CTNNA3: variants seen among roughly 807,000 people sequenced by gnomAD.
CTNNA3 encodes the protein catenin alpha 3.
Under a neutral mutation model 95.7 loss-of-function variants are expected in CTNNA3, and 76 were observed. The observed-to-expected ratio is 0.79, with a 90% CI of 0.66 to 0.96. The LOEUF is 0.96. Among genes scored for constraint, CTNNA3 ranks in the 40% least tolerant of loss-of-function variants. The pLI, the probability that CTNNA3 is intolerant of heterozygous loss-of-function variation, is 0.00. For synonymous variants in CTNNA3, 431 were observed against 374.4 expected, an observed-to-expected ratio of 1.15 and a Z score of -1.74; for missense variants, 1,191 against 1,089.8, an observed-to-expected ratio of 1.09 and a Z score of -1.31.
At chr10:67,503,274 T>A (rs1206548848) in intron 5 of CTNNA3, among the ~76,000 whole-genome samples, 1 of 152,160 alleles carries the variant, frequency 6.6e-6, no homozygotes, top group African/African-American at 2.4e-5. Context: ...CACCCTGCTT[T>A]GGCTCACCCT....
At chr10:66,480,666 G>A (rs1385134658) in intron 11 of CTNNA3, among the ~76,000 whole-genome samples, 7 of 152,070 alleles carry the variant, frequency 4.6e-5, no homozygotes, top group African/African-American at 1.2e-4. Context: ...GTGCAGTGGC[G>A]CAATCTCGGC....
At chr10:66,971,258 T>C (rs1185090925) in intron 7 of CTNNA3, among the ~76,000 whole-genome samples, 1 of 151,972 alleles carries the variant, frequency 6.6e-6, no homozygotes, top group Non-Finnish European at 1.5e-5. Flanking sequence ...AAACCCCGTC[T>C]CTACTAAAAA....
chr10:66,608,772 A>G (rs1589489701), intron 10 of CTNNA3, among the ~76,000 whole-genome samples: 1 of 152,124 alleles, frequency 6.6e-6, no homozygotes, highest in Non-Finnish European at 1.5e-5. Context: ...TCCTTACACC[A>G]TACACAAAAA....
At chr10:67,447,655 GAC>G (rs1846806643) in intron 5 of CTNNA3, among the ~76,000 whole-genome samples, 1 of 152,010 alleles carries the variant, frequency 6.6e-6, no homozygotes, top group South Asian at 2.1e-4. Flanking sequence ...GATGATCCCT[GAC>G]CACCTTGTAT....
chr10:67,554,665 G>C (rs1235929832), intron 3 of CTNNA3, among the ~76,000 whole-genome samples: 3 of 152,168 alleles, frequency 2.0e-5, no homozygotes, highest in Non-Finnish European at 2.9e-5. Context: ...CCTTTTGTCA[G>C]ATGGGTAGAT....
At chr10:65,997,508 T>C (rs2078688404) in intron 15 of CTNNA3, among the ~76,000 whole-genome samples, 1 of 152,174 alleles carries the variant, frequency 6.6e-6, no homozygotes, top group South Asian at 2.1e-4. Context: ...TGATCTGATC[T>C]TGTTTGCCCA....
intron 1 of CTNNA3, among the ~76,000 whole-genome samples, chr10:67,659,094 A>G (rs1840106820): frequency 6.6e-6 from 1 of 152,002 alleles, no homozygotes; most frequent in South Asian, 2.1e-4. Flanking sequence ...AACCAAAATG[A>G]AAGCAGCAAA....
At chr10:66,749,234 GGAAA>G (rs145957383) in intron 9 of CTNNA3, among the ~76,000 whole-genome samples, 3,548 of 130,738 alleles carry the variant, frequency 0.027, 129 homozygotes, top group African/African-American at 0.11. Context: ...AAAAAGAAAA[GGAAA>G]GAAAGAAAGA....
intron 11 of CTNNA3, among the ~76,000 whole-genome samples, chr10:66,498,620 A>T (rs1267564678): frequency 6.6e-6 from 1 of 152,124 alleles, no homozygotes; most frequent in East Asian, 1.9e-4. Flanking sequence ...AACACATCAG[A>T]TTTTACATTA....
chr10:67,594,507 T>A (rs969577998), intron 3 of CTNNA3, among the ~76,000 whole-genome samples: 1 of 152,142 alleles, frequency 6.6e-6, no homozygotes, highest in Admixed American at 6.6e-5. Context: ...TGGAAATTTA[T>A]CAGTTTCTTC....
intron 11 of CTNNA3, among the ~76,000 whole-genome samples, chr10:66,519,148 G>A (rs1219511188): frequency 1.3e-5 from 2 of 151,946 alleles, no homozygotes; most frequent in African/African-American, 2.4e-5. Context: ...TTTAGACAGA[G>A]GATTACTTTT....
intron 7 of CTNNA3, among the ~76,000 whole-genome samples, chr10:67,120,805 C>G (rs10997518): frequency 0.24 from 35,730 of 151,894 alleles, 5,174 homozygotes; most frequent in African/African-American, 0.41. Context: ...ATGCGTAAGT[C>G]TTTCCTAAAC....
chr10:66,363,781 T>C (rs2092693146), intron 12 of CTNNA3, among the ~76,000 whole-genome samples: 1 of 152,192 alleles, frequency 6.6e-6, no homozygotes, highest in Non-Finnish European at 1.5e-5. Context: ...GTAAATCACA[T>C]GAAATCTAAC....
chr10:67,409,803 G>A (rs1845298296), intron 5 of CTNNA3, among the ~76,000 whole-genome samples: 1 of 152,184 alleles, frequency 6.6e-6, no homozygotes, highest in Admixed American at 6.5e-5. Context: ...AAGCCACAAT[G>A]AGATACCATC....
At chr10:67,330,254 C>T (rs1841725553) in intron 5 of CTNNA3, among the ~76,000 whole-genome samples, 1 of 152,114 alleles carries the variant, frequency 6.6e-6, no homozygotes, top group South Asian at 2.1e-4. Flanking sequence ...TGCATGTTTC[C>T]CAAAACTCAA....
chr10:66,980,859 C>T (rs1221204379), intron 7 of CTNNA3, among the ~76,000 whole-genome samples: 1 of 152,120 alleles, frequency 6.6e-6, no homozygotes, highest in Non-Finnish European at 1.5e-5. Flanking sequence ...ACTTTCTTCT[C>T]ACACATTGAT....
At chr10:67,531,976 T>G in intron 4 of CTNNA3, among the ~76,000 whole-genome samples, 1 of 152,088 alleles carries the variant, frequency 6.6e-6, no homozygotes, top group South Asian at 2.1e-4. Flanking sequence ...ATGTAAGATG[T>G]GACTTGCTCC....
chr10:66,503,500 G>T (rs964273777), intron 11 of CTNNA3, among the ~76,000 whole-genome samples: 3 of 151,236 alleles, frequency 2.0e-5, no homozygotes, highest in Non-Finnish European at 4.4e-5. Flanking sequence ...ATGGAGTCTT[G>T]CTCTGTCACC....
intron 15 of CTNNA3, among the ~76,000 whole-genome samples, chr10:66,014,478 T>A (rs1251608833): frequency 6.6e-6 from 1 of 152,190 alleles, no homozygotes; most frequent in Non-Finnish European, 1.5e-5. Flanking sequence ...ATTATAGATT[T>A]GAAAAGTTCC....
Sources: allele counts gnomAD v4.1 joint callset (sites outside exome capture counted in the v4.1 genomes callset), GRCh38; gene constraint gnomAD v4.1.1; transcripts MANE v1.5; gene names NCBI Gene and HGNC (gene_info 2026-07-23, HGNC 2026-07-21).